GFOD2: variants seen among roughly 807,000 people sequenced by gnomAD.
GFOD2 encodes Gfo/Idh/MocA-like oxidoreductase domain containing 2, also known as glucose-fructose oxidoreductase domain-containing protein 2.
A neutral mutation model predicts 24.6 loss-of-function variants in GFOD2; 9 were observed. The ratio of observed to expected loss-of-function variants is 0.37; its 90% CI spans 0.22 to 0.64. The LOEUF is 0.64. Ranked by LOEUF, GFOD2 falls within the 30% of genes least tolerant of loss-of-function variation. GFOD2 has a pLI of 0.65. For synonymous variants in GFOD2, 211 were observed against 224.8 expected, an observed-to-expected ratio of 0.94 and a Z score of 0.55; for missense variants, 476 against 532.5, an observed-to-expected ratio of 0.89 and a Z score of 1.04.
intron 1 of GFOD2, among the ~76,000 whole-genome samples, chr16:67,694,991 T>C (rs1035958338): frequency 4.4e-5 from 5 of 114,278 alleles, no homozygotes; most frequent in Admixed American, 8.0e-5. Flanking sequence ...CTCTCTCTTT[T>C]TTTTTTTTTT....
chr16:67,702,421 C>G (rs975580568), intron 1 of GFOD2, among the ~76,000 whole-genome samples: 1 of 151,414 alleles, frequency 6.6e-6, no homozygotes, highest in African/African-American at 2.4e-5. Flanking sequence ...TTGCAGTGAA[C>G]AGAGATCATG....
intron 1 of GFOD2, among the ~76,000 whole-genome samples, chr16:67,693,023 C>CT (rs2053327616): frequency 6.6e-6 from 1 of 151,606 alleles, no homozygotes; most frequent in Admixed American, 6.6e-5. Flanking sequence ...GATTGAGACT[C>CT]TGTCTCAAAA....
In GFOD2 at chr16:67,675,241, C is replaced by T. The variant is rs751748640; in HGVS notation, c.1072G>A (p.Gly358Arg). The T allele has an allele frequency of 9.9e-6, 16 of 1,613,310 alleles. No individual in the cohort carries two copies. The highest frequency in any genetic ancestry group is 3.3e-5 in the Admixed American group (2 of 60,008). ...AGCACCTCCACAGCCTCCCACTCCC[C>T]GGATCGGCTCGACCTCTTGATGGCA... ...VDAIKRSSRS[G>R]EWEAVEVLTE... Residue 358 changes from glycine (G) to arginine (R), a missense_variant, in exon 3 of 3, where the codon GGG becomes AGG. Gly to Arg is a moderately radical substitution (Grantham distance 125, BLOSUM62 -2). Coordinates refer to ENST00000268797, the MANE Select transcript of GFOD2 (RefSeq NM_030819.4).
intron 1 of GFOD2, among the ~76,000 whole-genome samples, chr16:67,707,219 G>A (rs574702476): frequency 6.6e-6 from 1 of 151,808 alleles, no homozygotes; most frequent in East Asian, 1.9e-4. Context: ...ATAGCCTGGT[G>A]TGGTGGTGCA....
chr16:67,688,949 C>T (rs2053289920), intron 1 of GFOD2, among the ~76,000 whole-genome samples: 1 of 151,738 alleles, frequency 6.6e-6, no homozygotes, highest in Admixed American at 6.6e-5. Flanking sequence ...CCGTGTTAGC[C>T]AGGATGGTCT....
Position 67,704,434 on chromosome 16 carries a change from G to A in GFOD2, c.-88+14729C>T, listed in dbSNP as rs144333313. Among the ~76,000 whole-genome samples, 431 of 152,242 alleles carry A rather than the reference G, an allele frequency of 2.8e-3. 5 individuals carry two copies. The highest frequency in any genetic ancestry group is 0.01 in the African/African-American group (417 of 41,536). Reference sequence around the variant, plus strand: ...TTATTATTATCTTCATTTTACAGATGAGGAAACTGAGGCTGCCATCGTTTT... The same window carrying A: ...TTATTATTATCTTCATTTTACAGATAAGGAAACTGAGGCTGCCATCGTTTT... On this transcript the variant is annotated intron_variant, in intron 1 of 2. Coordinates refer to ENST00000268797, the MANE Select transcript of GFOD2 (RefSeq NM_030819.4).
At chr16:67,703,773 C>T (rs2053420090) in intron 1 of GFOD2, among the ~76,000 whole-genome samples, 1 of 152,282 alleles carries the variant, frequency 6.6e-6, no homozygotes, top group East Asian at 1.9e-4. Context: ...CAGAGAAGAG[C>T]ACCATTAACT....
intron 1 of GFOD2, among the ~76,000 whole-genome samples, chr16:67,695,561 G>GTC (rs1414833567): frequency 6.8e-5 from 10 of 147,698 alleles, no homozygotes; most frequent in Non-Finnish European, 7.4e-5. Context: ...TTGAGACGGA[G>GTC]TCTCATTTCT....
intron 1 of GFOD2, among the ~76,000 whole-genome samples, chr16:67,703,467 G>C (rs1472149274): frequency 4.6e-5 from 7 of 152,136 alleles, no homozygotes; most frequent in Non-Finnish European, 7.4e-5. Flanking sequence ...AGCATTCCTT[G>C]TAAAGAGGTG....
In GFOD2 at chr16:67,686,675, C is replaced by CA. The variant is rs58311667; in HGVS notation, c.-87-874dup. 3.6e-3 allele frequency among the ~76,000 whole-genome samples: 523 copies of CA among 143,358 alleles called. 3 individuals carry two copies. Among genetic ancestry groups the CA allele is most frequent in the Middle Eastern group, 7.0e-3 (2 of 284 alleles). 94.0% of individuals were successfully genotyped at this position (143,358 alleles called of 152,430 possible). A position where few individuals can be genotyped will look rare whatever the true frequency, so the allele number is the denominator to read the frequency against. ...CCAAACCCCATCTCTGCTAAAAATA[C>CA]AAAAAAAAAAACTAGCCAGGTGTGG... On this transcript the variant is annotated intron_variant, in intron 1 of 2. Coordinates refer to ENST00000268797, the MANE Select transcript of GFOD2 (RefSeq NM_030819.4).
chr16:67,717,790 C>CGATAGATAGATAGATAGATA (rs56029322), intron 1 of GFOD2, among the ~76,000 whole-genome samples: 3,938 of 151,142 alleles, frequency 0.026, 157 homozygotes, highest in African/African-American at 0.087. Context: ...GACTCCGTCT[C>CGATAGATAGATAGATAGATA]GATAGATAGA....
intron 1 of GFOD2, among the ~76,000 whole-genome samples, chr16:67,717,927 G>A (rs1312317001): frequency 6.6e-6 from 1 of 152,162 alleles, no homozygotes; most frequent in African/African-American, 2.4e-5. Context: ...TCGACCAACA[G>A]AACCGTCTGT....
chr16:67,696,318 T>A (rs2053359003), intron 1 of GFOD2, among the ~76,000 whole-genome samples: 1 of 146,974 alleles, frequency 6.8e-6, no homozygotes, highest in Non-Finnish European at 1.5e-5. Context: ...CGGCCGGGAA[T>A]CTTTTTTTTT....
intron 1 of GFOD2, among the ~76,000 whole-genome samples, chr16:67,717,273 G>C (rs920832408): frequency 3.3e-5 from 5 of 152,132 alleles, no homozygotes; most frequent in Non-Finnish European, 7.3e-5. Flanking sequence ...AGGGCAAGGG[G>C]AAAAACCTGC....
intron 1 of GFOD2, among the ~76,000 whole-genome samples, chr16:67,717,345 T>C (rs1597807678): frequency 6.6e-6 from 1 of 152,258 alleles, no homozygotes; most frequent in Non-Finnish European, 1.5e-5. Context: ...CTGACTTTGA[T>C]GATTAGAATC....
rs543074444 is a variant in GFOD2 at position 67,711,713 on chromosome 16, A to G, written c.-88+7450T>C. The stretch of plus-strand genomic sequence containing the variant: ...AACATACTCTTCCCACAATGCCTTC[A>G]TCTCAGAAACTGGTAACACAAACTT... On this transcript the variant is annotated intron_variant, in intron 1 of 2. Coordinates refer to ENST00000268797, the MANE Select transcript of GFOD2 (RefSeq NM_030819.4). Among the ~76,000 whole-genome samples, 7 of 152,350 alleles carry G rather than the reference A, an allele frequency of 4.6e-5. No homozygotes were observed. The South Asian group carries it at 8.3e-4, about 18-fold the overall frequency.
chr16:67,700,343 C>T (rs181279764), intron 1 of GFOD2, among the ~76,000 whole-genome samples: 135 of 151,226 alleles, frequency 8.9e-4, no homozygotes, highest in African/African-American at 3.1e-3. Context: ...CCACTGCACT[C>T]CAGCCTGGGC....
intron 1 of GFOD2, among the ~76,000 whole-genome samples, chr16:67,709,863 A>G (rs1439927276): frequency 6.6e-6 from 1 of 152,170 alleles, no homozygotes; most frequent in East Asian, 1.9e-4. Flanking sequence ...CTTGTCCTCA[A>G]GTGATCCGCC....
At chr16:67,710,063 A>G (rs542397162) in intron 1 of GFOD2, among the ~76,000 whole-genome samples, 7 of 152,050 alleles carry the variant, frequency 4.6e-5, no homozygotes, top group Admixed American at 1.3e-4. Context: ...CTCCTGCCTC[A>G]GCCTCCCGAG....
Sources: allele counts gnomAD v4.1 joint callset (sites outside exome capture counted in the v4.1 genomes callset), GRCh38; gene constraint gnomAD v4.1.1; transcripts MANE v1.5; gene names NCBI Gene and HGNC (gene_info 2026-07-23, HGNC 2026-07-21).